The following LLGL1 variants were observed in gnomAD, a reference collection of about 807,000 sequenced individuals.
The protein encoded by LLGL1 is lethal(2) giant larvae protein homolog 1.
LLGL1 carries 58 observed loss-of-function variants against 110.6 expected under a neutral mutation model. That is an observed-to-expected ratio of 0.52 (90% CI 0.42 to 0.65). LLGL1 has a LOEUF of 0.65. Ranked by LOEUF, LLGL1 falls within the 30% of genes least tolerant of loss-of-function variation. The probability of loss-of-function intolerance (pLI) is 0.00; values close to 1 mark genes in which losing one functional copy is unlikely to be tolerated. For missense variants in LLGL1, 1,229 were observed against 1,462.1 expected, an observed-to-expected ratio of 0.84 and a Z score of 2.60; for synonymous variants, 674 against 607.2, an observed-to-expected ratio of 1.11 and a Z score of -1.62.
At chr17:18,233,978 G>T (rs763371698) in intron 5 of LLGL1, 35 bp from the exon 6 acceptor site, 2 of 1,597,270 alleles carry the variant, frequency 1.3e-6, no homozygotes, top group Non-Finnish European at 1.7e-6. Flanking sequence ...TGTGTGCCCG[G>T]GAAGTTCTGC....
At chr17:18,227,323 G>A (rs1016656590) in intron 1 of LLGL1, among the ~76,000 whole-genome samples, 4 of 152,214 alleles carry the variant, frequency 2.6e-5, no homozygotes, top group Non-Finnish European at 5.9e-5. Flanking sequence ...GTGCCGGGGA[G>A]GCTGTGAGGG....
intron 7 of LLGL1, 49 bp downstream of exon 7, chr17:18,234,457 C>G (rs757822020): frequency 7.2e-5 from 115 of 1,598,368 alleles, no homozygotes; most frequent in Non-Finnish European, 9.2e-5. Context: ...GGAGGGGGCA[C>G]CACTGAGCCA....
chr17:18,233,898 C>T lies in LLGL1; in HGVS notation c.513C>T (p.Leu171=), dbSNP rs368619980. Residue 171 remains leucine (L), a synonymous_variant, in exon 5 of 23, where the codon CTC becomes CTT. Coordinates refer to ENST00000316843, the MANE Select transcript of LLGL1 (RefSeq NM_004140.4). The part of the protein sequence containing the change: ...FFLDVTTLTL[L]EGQTLAPGEV... ...TGGATGTTACCACCCTGACCCTGCT[C>T]GAGGGGCAGACGCTTGCCCCAGGCG... The T allele has an allele frequency of 3.4e-5, 55 of 1,613,370 alleles. No homozygotes were observed. Among genetic ancestry groups the T allele is most frequent in the Admixed American group, 2.5e-4 (15 of 60,024 alleles).
Position 18,234,849 on chromosome 17 carries a change from A to G in LLGL1, c.916A>G (p.Ile306Val), listed in dbSNP as rs2047655421. ...TCCCTCTGCACATAGGGGCCACTTT[A>G]TCATCTTCAGCGGTGGCATGCCCCG... ...WRNCESGGHF[I>V]IFSGGMPRAS... is the part of the protein sequence containing the mutation. Residue 306 changes from isoleucine to valine, a missense_variant, in exon 9 of 23, where the codon ATC becomes GTC. Transcript: ENST00000316843. 2.5e-6 allele frequency: 4 copies of G among 1,613,900 alleles called. No homozygotes were observed. The highest frequency in any genetic ancestry group is 2.2e-5 in the South Asian group (2 of 91,076).
Position 18,240,676 on chromosome 17 carries a change from C to G in LLGL1, c.2305C>G (p.Arg769Gly), listed in dbSNP as rs746829631. The G allele has an allele frequency of 6.2e-7, 1 of 1,613,122 alleles. No homozygotes were observed. Residue 769 changes from arginine (R) to glycine (G), a missense_variant, in exon 17 of 23, where the codon CGG becomes GGG. Arg to Gly is a moderately radical substitution (Grantham distance 125). Transcript: ENST00000316843. This position sits in a 1 kb window ranked among gnomAD's most constrained non-coding sequence, Gnocchi z 5.3. ...GGCAGCAGCAGTGGGTGGTGAGAAG[C>G]GGCCTGAGCAAGCGGTGGAGGCCGT... ...VPAAAVGGEK[R>G]PEQAVEAVLG...
At position 18,242,207 on chromosome 17, in the gene LLGL1, G is replaced by A; in HGVS notation, c.2924G>A (p.Gly975Glu). 4 of 1,614,098 alleles carry A rather than the reference G, an allele frequency of 2.5e-6. No homozygotes were observed. Among genetic ancestry groups the A allele is most frequent in the Non-Finnish European group, 3.4e-6 (4 of 1,180,010 alleles). Residue 975 changes from glycine (G) to glutamate (E), a missense_variant, in exon 20 of 23, where the codon GGG becomes GAG. Coordinates refer to ENST00000316843, the MANE Select transcript of LLGL1 (RefSeq NM_004140.4). ...TCACCCAAGCTGAGCCAGGCTAACG[G>A]GACCCCAAGCATCCTGCTGGCCCCA... ...RESPKLSQAN[G>E]TPSILLAPQS...
At position 18,237,683 on chromosome 17, in the gene LLGL1, C is replaced by A; in HGVS notation, c.1814C>A (p.Thr605Lys). The A allele has an allele frequency of 6.2e-7, 1 of 1,612,924 alleles. No homozygotes were observed. Among genetic ancestry groups the A allele is most frequent in the Non-Finnish European group, 8.5e-7 (1 of 1,179,984 alleles). Residue 605 changes from threonine to lysine, a missense_variant, in exon 14 of 23, where the codon ACA becomes AAA. Transcript: ENST00000316843. Reference sequence around the variant, plus strand: ...CCGCCAGCTGCTGTAACCGCTGTCACACTCCACACCGAGTGGAGCCTCGTG... The same window carrying A: ...CCGCCAGCTGCTGTAACCGCTGTCAAACTCCACACCGAGTGGAGCCTCGTG... The part of the protein sequence containing the change: ...CLPPAAVTAV[T>K]LHTEWSLVAF...
rs758961125 is a variant in LLGL1, at chr17:18,236,899, A to G, written c.1571A>G (p.Lys524Arg). ...GGCGTGCAGAAGGTTGCTCTCTGCA[A>G]GTATACAGCCCAGATGGTGGTGGCT... is the stretch of plus-strand genomic sequence containing the variant. ...RLGVQKVALC[K>R]YTAQMVVAGT... The change falls in exon 13 of 23, where the codon AAG becomes AGG. Residue 524 changes from lysine (K) to arginine (R), a missense_variant. Physicochemically the swap from Lys to Arg is conservative, Grantham distance 26. Coordinates refer to ENST00000316843, the MANE Select transcript of LLGL1 (RefSeq NM_004140.4). The G allele has an allele frequency of 6.2e-7, 1 of 1,613,784 alleles. No homozygotes were observed. Among genetic ancestry groups the G allele is most frequent in the Non-Finnish European group, 8.5e-7 (1 of 1,179,958 alleles).
intron 14 of LLGL1, 141 bp from the exon 15 acceptor site, chr17:18,237,926 G>C: frequency 7.8e-7 from 1 of 1,280,760 alleles, no homozygotes; most frequent in East Asian, 2.5e-5. Flanking sequence ...GACATTCTCA[G>C]TACCACCTGC....
chr17:18,237,550 C>T lies in LLGL1; in HGVS notation c.1681C>T (p.Gln561Ter). Reference sequence around the variant, plus strand: ...CAGCGTGGCCATCATAGACCTCCTCCAGGACCGCGAGGGCTTCACATGGAA... The same window carrying T: ...CAGCGTGGCCATCATAGACCTCCTCTAGGACCGCGAGGGCTTCACATGGAA... The part of the protein sequence containing the change: ...AVSVAIIDLL[Q>*]DREGFTWKGH... Residue 561 changes from glutamine (Q) to a stop codon, truncating the protein, a stop_gained, in exon 14 of 23, where the codon CAG becomes TAG. Coordinates refer to ENST00000316843, the MANE Select transcript of LLGL1 (RefSeq NM_004140.4). LOFTEE classifies it high-confidence loss of function. The T allele has an allele frequency of 6.2e-7, 1 of 1,609,122 alleles. No individual in the cohort carries two copies. The highest frequency in any genetic ancestry group is 8.5e-7 in the Non-Finnish European group (1 of 1,178,440).
chr17:18,225,715 C>T lies in LLGL1; in HGVS notation c.33C>T (p.Ala11=), dbSNP rs2047421188. Residue 11 remains alanine, a synonymous_variant, in exon 1 of 23, where the codon GCC becomes GCT. Coordinates refer to ENST00000316843, the MANE Select transcript of LLGL1 (RefSeq NM_004140.4). ...AGTTTCGGTTCCGGCGGCAGGGCGC[C>T]GACCCGCAGCGCGAGAAGCTCAAGC... The part of the protein sequence containing the change: MMKFRFRRQG[A]DPQREKLKQE... 3.8e-6 allele frequency: 4 copies of T among 1,056,586 alleles called. No individual in the cohort carries two copies. The highest frequency in any genetic ancestry group is 4.6e-5 in the Admixed American group (1 of 21,646). The allele number at this position is 1,056,586 out of a possible 1,614,324, so 65.5% of individuals were successfully genotyped here.
intron 16 of LLGL1, among the ~76,000 whole-genome samples, chr17:18,239,388 A>G (rs1327080827): frequency 6.6e-6 from 1 of 152,176 alleles, no homozygotes; most frequent in African/African-American, 2.4e-5. Flanking sequence ...AACTTGTACA[A>G]TGGGAGAGTT....
In LLGL1 at chr17:18,232,788, C is replaced by G; in HGVS notation, c.378C>G (p.Gly126=). 3 of 1,613,970 alleles carry G rather than the reference C, an allele frequency of 1.9e-6. No homozygotes were observed. Among genetic ancestry groups the G allele is most frequent in the Non-Finnish European group, 2.5e-6 (3 of 1,180,008 alleles). Residue 126 remains glycine (G), a synonymous_variant, in exon 4 of 23, where the codon GGC becomes GGG. Coordinates refer to ENST00000316843, the MANE Select transcript of LLGL1 (RefSeq NM_004140.4). ...ALSFQLPSRP[G]FDGASAPLSL... ...GTTTCCAGCTGCCCAGCCGGCCCGG[C>G]TTTGATGGTGCCAGGTACTGGAGAA... is the stretch of plus-strand genomic sequence containing the variant.
At chr17:18,226,094 C>T (rs769213393) in intron 1 of LLGL1, among the ~76,000 whole-genome samples, 2 of 152,054 alleles carry the variant, frequency 1.3e-5, no homozygotes, top group Non-Finnish European at 2.9e-5. Context: ...CTTTCTCCGC[C>T]GCTGACCGGC....
chr17:18,240,639 A>G lies in LLGL1; in HGVS notation c.2268A>G (p.Ala756=). The G allele has an allele frequency of 6.2e-7, 1 of 1,613,008 alleles. No homozygotes were observed. Among genetic ancestry groups the G allele is most frequent in the South Asian group, 1.1e-5 (1 of 91,010 alleles). ...GTNSGSVFAY[A]LEVPAAAVGG... The stretch of plus-strand genomic sequence containing the variant: ...ACTCAGGCTCTGTGTTCGCCTATGC[A>G]CTGGAGGTGCCGGCAGCAGCAGTGG... Residue 756 remains alanine (A), a synonymous_variant, in exon 17 of 23, where the codon GCA becomes GCG. Coordinates refer to ENST00000316843, the MANE Select transcript of LLGL1 (RefSeq NM_004140.4). This position sits in a 1 kb window ranked among gnomAD's most constrained non-coding sequence, Gnocchi z 5.3.
intron 2 of LLGL1, among the ~76,000 whole-genome samples, chr17:18,231,428 A>G (rs1451066838): frequency 2.0e-5 from 3 of 152,170 alleles, no homozygotes; most frequent in Non-Finnish European, 4.4e-5. Flanking sequence ...TCACCGGGGC[A>G]ACGTTGCTGA....
In LLGL1 at chr17:18,237,746, A is replaced by C. The variant is rs1392367069; in HGVS notation, c.1877A>C (p.Tyr626Ser). The change falls in exon 14 of 23, where the codon TAC (tyrosine) becomes TCC (serine). Residue 626 changes from tyrosine (Y) to serine (S), a missense_variant. Physicochemically the swap from Tyr to Ser is moderately radical, Grantham distance 144. Transcript: ENST00000316843. ...GTSHGFGLFD[Y>S]QRKSPVLARC... Reference sequence around the variant, plus strand: ...AGTCATGGCTTTGGCCTCTTCGACTACCAGCGCAAGAGCCCTGTGCTGGCC... The same window carrying C: ...AGTCATGGCTTTGGCCTCTTCGACTCCCAGCGCAAGAGCCCTGTGCTGGCC... The C allele has an allele frequency of 6.2e-7, 1 of 1,610,784 alleles. No individual in the cohort carries two copies. Among genetic ancestry groups the C allele is most frequent in the Non-Finnish European group, 8.5e-7 (1 of 1,178,606 alleles).
Position 18,240,519 on chromosome 17 carries a change from A to G in LLGL1, c.2207-59A>G. On this transcript the variant is annotated intron_variant, in intron 16 of 22. Transcript: ENST00000316843. This position sits in a 1 kb window ranked among gnomAD's most constrained non-coding sequence, Gnocchi z 5.3. ...GGAGGGACCTGCAGTCTGTGGGAAG[A>G]CCCCAGGGGAGATGCCTGGCCCACA... 6.7e-7 allele frequency: 1 copy of G among 1,499,178 alleles called. No homozygotes were observed. The allele number at this position is 1,499,178 out of a possible 1,614,324, so 92.9% of individuals were successfully genotyped here. A position where few individuals can be genotyped will look rare whatever the true frequency, so the allele number is the denominator to read the frequency against.
chr17:18,232,617 C>T, intron 3 of LLGL1, 41 bp downstream of exon 3: 7 of 1,613,932 alleles, frequency 4.3e-6, no homozygotes, highest in African/African-American at 4.0e-5. Context: ...CTGTGGCCCC[C>T]ATATCTACTC....
Sources: gnomAD v4.1 joint callset for allele counts (sites outside exome capture counted in the v4.1 genomes callset) on GRCh38, gnomAD v4.1.1 for gene constraint, Gnocchi (gnomAD v3.1) non-coding constraint, MANE v1.5 for transcripts, NCBI Gene and HGNC (gene_info 2026-07-23, HGNC 2026-07-21) for gene names.